Variants in RAD51B observed in about 807,000 individuals in gnomAD.
RAD51B encodes RAD51 paralog B, also known as DNA repair protein RAD51 homolog 2.
In RAD51B, 38 loss-of-function variants were observed where a neutral mutation model predicts 42.2. The ratio of observed to expected loss-of-function variants is 0.90; its 90% CI spans 0.70 to 1.18. The LOEUF is 1.18. Among genes scored for constraint, RAD51B ranks in the 50% most tolerant of loss-of-function variants. The pLI, the probability that RAD51B is intolerant of heterozygous loss-of-function variation, is 0.00. For missense variants in RAD51B, 373 were observed against 400.7 expected (o/e 0.93, Z 0.59); for synonymous variants, 154 against 145.2 (o/e 1.06, Z -0.43).
chr14:68,172,965 G>A (rs1019859970), intron 7 of RAD51B, among the ~76,000 whole-genome samples: 2 of 152,128 alleles, frequency 1.3e-5, no homozygotes, highest in African/African-American at 4.8e-5. Context: ...TTAGGCCTTT[G>A]TTTTAGTCTG....
At chr14:68,262,260 CT>C (rs1463358995) in intron 7 of RAD51B, among the ~76,000 whole-genome samples, 1 of 152,028 alleles carries the variant, frequency 6.6e-6, no homozygotes, top group Non-Finnish European at 1.5e-5. Flanking sequence ...CAAGGTCTGC[CT>C]TTTGTTGTTT....
chr14:68,634,969 A>G (rs1005132242), intron 10 of RAD51B, among the ~76,000 whole-genome samples: 4 of 152,324 alleles, frequency 2.6e-5, no homozygotes, highest in African/African-American at 9.6e-5. Flanking sequence ...AAATGGAACT[A>G]TGATGATCCC....
chr14:67,967,645 C>T (rs1012677488), intron 7 of RAD51B, among the ~76,000 whole-genome samples: 5 of 152,236 alleles, frequency 3.3e-5, no homozygotes, highest in Non-Finnish European at 7.3e-5. Context: ...CAGTGTCTCA[C>T]ATCCAAGTCA....
intron 8 of RAD51B, among the ~76,000 whole-genome samples, chr14:68,372,170 C>A (rs1179918392): frequency 6.6e-6 from 1 of 152,116 alleles, no homozygotes; most frequent in Non-Finnish European, 1.5e-5. Context: ...TGAGAATTGA[C>A]CCTTGGATTT....
At chr14:68,027,711 T>C (rs1339016045) in intron 7 of RAD51B, among the ~76,000 whole-genome samples, 2 of 152,190 alleles carry the variant, frequency 1.3e-5, no homozygotes, top group African/African-American at 2.4e-5. Flanking sequence ...TTTCTGAAAA[T>C]GGCTATTTTG....
intron 8 of RAD51B, among the ~76,000 whole-genome samples, chr14:68,345,081 C>T (rs2082652748): frequency 1.3e-5 from 2 of 152,056 alleles, no homozygotes; most frequent in African/African-American, 4.8e-5. Context: ...CCCATATTAC[C>T]ATTGTATCTC....
intron 7 of RAD51B, among the ~76,000 whole-genome samples, chr14:67,948,800 TGGG>T (rs2074383627): frequency 6.6e-6 from 1 of 151,306 alleles, no homozygotes; most frequent in Non-Finnish European, 1.5e-5. Context: ...GGCATGGTTG[TGGG>T]CGCCTGTAGT....
At chr14:67,912,801 G>A (rs2044029293) in intron 7 of RAD51B, among the ~76,000 whole-genome samples, 1 of 151,808 alleles carries the variant, frequency 6.6e-6, no homozygotes, top group Non-Finnish European at 1.5e-5. Flanking sequence ...TGTCTCCCAG[G>A]TTCAAGTGAT....
intron 9 of RAD51B, among the ~76,000 whole-genome samples, chr14:68,455,463 ATCCCAGCACTT>A (rs1161141562): frequency 6.6e-6 from 1 of 152,140 alleles, no homozygotes; most frequent in Non-Finnish European, 1.5e-5. Flanking sequence ...CACACCTGTA[ATCCCAGCACTT>A]TGGGAGGTCA....
At chr14:67,908,394 C>T (rs2043850545) in intron 7 of RAD51B, 1 of 152,018 alleles carries the variant, frequency 6.6e-6, no homozygotes. Context: ...ATTAGGGAAG[C>T]AATTCCAAGT....
chr14:68,544,164 A>C (rs1566932844), intron 10 of RAD51B, among the ~76,000 whole-genome samples: 1 of 152,208 alleles, frequency 6.6e-6, no homozygotes. Context: ...GAATAAAGAG[A>C]TTTACACCAA....
In RAD51B at chr14:68,648,036, T is replaced by TATATATATACATAC. The variant is rs375269798; in HGVS notation, c.1037-2744_1037-2743insTATATATACATACA. 4.4e-5 allele frequency among the ~76,000 whole-genome samples: 5 copies of TATATATATACATAC among 114,008 alleles called. No homozygotes were observed. In the South Asian group the frequency reaches 8.5e-4, roughly 19 times the overall value. The allele number at this position is 114,008 out of a possible 152,430, so 74.8% of individuals were successfully genotyped here. A position where few individuals can be genotyped will look rare whatever the true frequency, so the allele number is the denominator to read the frequency against. ...ATATATATATACGTATATATATATA[T>TATATATATACATAC]ACACACGTATATAGATGTGTGTGTG... On this transcript the variant is annotated intron_variant, in intron 10 of 11. Transcript: ENST00000488612.
chr14:68,064,578 ATAGTAT>A (rs1555349681), intron 7 of RAD51B, among the ~76,000 whole-genome samples: 1 of 151,904 alleles, frequency 6.6e-6, no homozygotes, highest in Non-Finnish European at 1.5e-5. Flanking sequence ...TGGGATTCTC[ATAGTAT>A]TAATATTTGT....
intron 10 of RAD51B, 193 bp downstream of exon 10, chr14:68,468,443 T>C: frequency 1.4e-6 from 1 of 730,894 alleles, no homozygotes; most frequent in Non-Finnish European, 2.5e-6. Context: ...CAGAGAAGAT[T>C]GAGGTAGGGC....
chr14:68,682,087 A>C (rs1397772216), intron 11 of RAD51B, among the ~76,000 whole-genome samples: 1 of 152,168 alleles, frequency 6.6e-6, no homozygotes, highest in East Asian at 1.9e-4. Flanking sequence ...CGTGCCTTAA[A>C]CTTATGTCAT....
intron 8 of RAD51B, among the ~76,000 whole-genome samples, chr14:68,313,148 C>T (rs2081994743): frequency 1.3e-5 from 2 of 152,156 alleles, no homozygotes; most frequent in African/African-American, 4.8e-5. Context: ...ATTGCAACTG[C>T]TTATACCTGG....
chr14:68,265,047 T>G (rs1174923963), intron 7 of RAD51B, among the ~76,000 whole-genome samples: 2 of 152,218 alleles, frequency 1.3e-5, no homozygotes, highest in East Asian at 3.9e-4. Flanking sequence ...TGTCTTGGAA[T>G]GAGTAGGATA....
intron 8 of RAD51B, among the ~76,000 whole-genome samples, chr14:68,292,418 G>GA (rs1289761443): frequency 2.0e-5 from 3 of 152,066 alleles, no homozygotes; most frequent in Admixed American, 6.6e-5. Flanking sequence ...AGAAGATTAA[G>GA]AAAAAAATCT....
intron 10 of RAD51B, chr14:68,472,257 T>C (rs2086145400): frequency 6.6e-6 from 1 of 152,312 alleles, no homozygotes. Flanking sequence ...TTTGTTCCCT[T>C]AGCAAGCCCC....
Sources: allele counts gnomAD v4.1 joint callset (sites outside exome capture counted in the v4.1 genomes callset), GRCh38; gene constraint gnomAD v4.1.1; transcripts MANE v1.5; gene names NCBI Gene and HGNC (gene_info 2026-07-23, HGNC 2026-07-21).